The following PAPOLA variants were observed in gnomAD, a reference collection of about 807,000 sequenced individuals.
The protein encoded by PAPOLA is poly(A) polymerase alpha, also known as polynucleotide adenylyltransferase alpha.
PAPOLA carries 15 observed loss-of-function variants against 100.6 expected under a neutral mutation model. The observed-to-expected ratio is 0.15, with a 90% CI of 0.10 to 0.23. The LOEUF is 0.23. Among genes scored for constraint, PAPOLA ranks in the 10% least tolerant of loss-of-function variants. The pLI is 1.00. For missense variants in PAPOLA, 533 were observed against 884.2 expected, an observed-to-expected ratio of 0.60 and a Z score of 5.04; for synonymous variants, 293 against 300.0, an observed-to-expected ratio of 0.98 and a Z score of 0.24.
intron 1 of PAPOLA, among the ~76,000 whole-genome samples, chr14:96,507,489 G>A (rs544235355): frequency 6.6e-6 from 1 of 151,696 alleles, no homozygotes; most frequent in Non-Finnish European, 1.5e-5. Context: ...GGGTTTCACC[G>A]TGGTCTCGAT....
At chr14:96,532,783 A>C in intron 9 of PAPOLA, 134 bp downstream of exon 9, 6 of 1,386,220 alleles carry the variant, frequency 4.3e-6, no homozygotes, top group Non-Finnish European at 5.6e-6. Flanking sequence ...AGCCTTGGAG[A>C]TCACATTGTG....
At chr14:96,521,215 C>T in intron 3 of PAPOLA, 143 bp downstream of exon 3, 1 of 591,810 alleles carries the variant, frequency 1.7e-6, no homozygotes. Context: ...ACAGATTTTA[C>T]ATTATTTTTC....
At chr14:96,535,135 T>C (rs1714787253) in intron 10 of PAPOLA, 1 of 962,498 alleles carries the variant, frequency 1.0e-6, no homozygotes, top group Admixed American at 6.2e-5. Context: ...TTTTAAATGT[T>C]AACAACATGC....
intron 12 of PAPOLA, 164 bp from the exon 13 acceptor site, chr14:96,542,079 C>T: frequency 2.2e-6 from 1 of 449,438 alleles, no homozygotes; most frequent in Non-Finnish European, 4.0e-6. Flanking sequence ...TAGTTAGAAA[C>T]ATGGAATTTA....
intron 1 of PAPOLA, among the ~76,000 whole-genome samples, chr14:96,513,030 A>T (rs541750601): frequency 2.0e-5 from 3 of 152,292 alleles, no homozygotes; most frequent in Admixed American, 6.5e-5. Flanking sequence ...CCCATACTCT[A>T]GCAGTGGCTG....
At chr14:96,561,415 C>G (rs184976379) in intron 20 of PAPOLA, among the ~76,000 whole-genome samples, 2 of 152,192 alleles carry the variant, frequency 1.3e-5, no homozygotes, top group East Asian at 3.9e-4. Flanking sequence ...TGTGTGTGCC[C>G]TCATAATGCC....
Position 96,533,439 on chromosome 14 carries a change from A to G in PAPOLA, c.836+790A>G, listed in dbSNP as rs571039073. 7.1e-6 allele frequency: 7 copies of G among 982,068 alleles called. No homozygotes were observed. The African/African-American group carries it at 1.2e-4, about 17-fold the overall frequency. The allele number at this position is 982,068 out of a possible 1,614,324, so 60.8% of individuals were successfully genotyped here. The stretch of plus-strand genomic sequence containing the variant: ...AGCTGTGTTCAACTGGAGGAAAAAT[A>G]AAAAAAATTTAGAACCATGCCACAC... On this transcript the variant is annotated intron_variant, in intron 9 of 21. Coordinates refer to ENST00000216277, the MANE Select transcript of PAPOLA (RefSeq NM_032632.5).
In PAPOLA at chr14:96,532,498, C is replaced by G. The variant is rs1406193780; in HGVS notation, c.698-13C>G. The G allele has an allele frequency of 1.2e-6, 2 of 1,604,406 alleles. No homozygotes were observed. Among genetic ancestry groups the G allele is most frequent in the Admixed American group, 3.5e-5 (2 of 57,468 alleles). On this transcript the variant is annotated splice_polypyrimidine_tract_variant and intron_variant, in intron 8 of 21. Coordinates refer to ENST00000216277, the MANE Select transcript of PAPOLA (RefSeq NM_032632.5). ...AACACTAACTTATCTTTTTGCTTTT[C>G]CCTTATCAACAGGCCACAACATCTA...
chr14:96,534,618 A>C, intron 10 of PAPOLA, 55 bp downstream of exon 10: 1 of 1,612,738 alleles, frequency 6.2e-7, no homozygotes, highest in Non-Finnish European at 8.5e-7. Flanking sequence ...ACAAGTAAAA[A>C]TCATCTGCAT....
chr14:96,551,045 T>G (rs1052594465), intron 16 of PAPOLA, among the ~76,000 whole-genome samples: 6 of 152,220 alleles, frequency 3.9e-5, no homozygotes, highest in African/African-American at 1.4e-4. Flanking sequence ...TGTTTCTTTC[T>G]GTAGTATGTT....
chr14:96,519,095 C>CTT (rs75219128), intron 1 of PAPOLA, among the ~76,000 whole-genome samples: 36 of 143,360 alleles, frequency 2.5e-4, no homozygotes, highest in African/African-American at 6.1e-4. Flanking sequence ...GTAAAATACA[C>CTT]TTTTTTTTTT....
At chr14:96,545,372 T>C (rs1356513311) in intron 15 of PAPOLA, among the ~76,000 whole-genome samples, 1 of 152,060 alleles carries the variant, frequency 6.6e-6, no homozygotes, top group Non-Finnish European at 1.5e-5. Flanking sequence ...TCGCGAGCAG[T>C]GTGACATCTA....
intron 9 of PAPOLA, chr14:96,534,003 G>T (rs17094149): frequency 0.22 from 221,258 of 985,074 alleles, 25,959 homozygotes; most frequent in African/African-American, 0.39. Context: ...TGAAAATGTG[G>T]TTATGCCACC....
chr14:96,535,358 T>C (rs577826546), intron 10 of PAPOLA: 27 of 982,808 alleles, frequency 2.7e-5, no homozygotes, highest in South Asian at 1.4e-4. Context: ...CTTACTGATA[T>C]ACAGATTTAA....
chr14:96,562,299 A>C (rs748486122), intron 20 of PAPOLA, among the ~76,000 whole-genome samples: 1 of 152,158 alleles, frequency 6.6e-6, no homozygotes. Context: ...TTTTCTGATG[A>C]GTAGAATCAG....
rs763051692 is a variant in PAPOLA at position 96,520,987 on chromosome 14, A to T, written c.183-19A>T. 6.3e-6 allele frequency: 7 copies of T among 1,108,970 alleles called. No homozygotes were observed. In the South Asian group the frequency reaches 8.7e-5, roughly 14 times the overall value. The allele number at this position is 1,108,970 out of a possible 1,614,324, so 68.7% of individuals were successfully genotyped here. A position where few individuals can be genotyped will look rare whatever the true frequency, so the allele number is the denominator to read the frequency against. Reference sequence around the variant, plus strand: ...AGTAATGATCTGGAATACTTGATTGATAATTGTTTTATCAACAGGATTTTA... The same window carrying T: ...AGTAATGATCTGGAATACTTGATTGTTAATTGTTTTATCAACAGGATTTTA... On this transcript the variant is annotated intron_variant, in intron 2 of 21. Coordinates refer to ENST00000216277, the MANE Select transcript of PAPOLA (RefSeq NM_032632.5).
In PAPOLA at chr14:96,502,756, C is replaced by T. The variant is rs113894035; in HGVS notation, c.8+156C>T. On this transcript the variant is annotated intron_variant, in intron 1 of 21. Transcript: ENST00000216277. ...CTGGGGACCTTCCTGTTTCCTCGCT[C>T]GCTCGCCGCCGCACTTCCCCCCGTG... 248 of 696,144 alleles carry T rather than the reference C, an allele frequency of 3.6e-4. 1 individual carries two copies. The African/African-American group carries it at 6.6e-3, about 18-fold the overall frequency. The allele number at this position is 696,144 out of a possible 1,614,324, so 43.1% of individuals were successfully genotyped here.
chr14:96,533,560 T>G (rs1309451029), intron 9 of PAPOLA: 6 of 952,832 alleles, frequency 6.3e-6, no homozygotes, highest in Non-Finnish European at 7.4e-6. Context: ...TTTTTTTTTT[T>G]TTTTTTTTGT....
intron 14 of PAPOLA, among the ~76,000 whole-genome samples, chr14:96,543,505 A>G (rs1438621439): frequency 6.6e-6 from 1 of 152,086 alleles, no homozygotes; most frequent in Non-Finnish European, 1.5e-5. Context: ...GCAGCATTAA[A>G]ACAAGTGAAA....
Sources: gnomAD v4.1 joint callset for allele counts (sites outside exome capture counted in the v4.1 genomes callset) on GRCh38, gnomAD v4.1.1 for gene constraint, MANE v1.5 for transcripts, NCBI Gene and HGNC (gene_info 2026-07-23, HGNC 2026-07-21) for gene names.